DIAPH1: variants seen among roughly 807,000 people sequenced by gnomAD.
DIAPH1 encodes protein diaphanous homolog 1.
Under a neutral mutation model 140.7 loss-of-function variants are expected in DIAPH1, and 46 were observed. The ratio of observed to expected loss-of-function variants is 0.33; its 90% CI spans 0.26 to 0.42. The LOEUF is 0.42. Among genes scored for constraint, DIAPH1 ranks in the 10% least tolerant of loss-of-function variants. The pLI, the probability that DIAPH1 is intolerant of heterozygous loss-of-function variation, is 1.00. For missense variants in DIAPH1, 1,310 were observed against 1,558.7 expected, an observed-to-expected ratio of 0.84 and a Z score of 2.69; for synonymous variants, 565 against 551.6, an observed-to-expected ratio of 1.02 and a Z score of -0.34.
chr5:141,519,085 T>C (rs1596332320), intron 27 of DIAPH1: 4 of 1,245,312 alleles, frequency 3.2e-6, no homozygotes, highest in Non-Finnish European at 4.6e-6. Context: ...CCCGAGACTG[T>C]GGGATTTTCA....
In DIAPH1 at chr5:141,582,365, T is replaced by G; in HGVS notation, c.631A>C (p.Ser211Arg). ...CGAATGATCTCATGCTTGTTCCGGC[T>G]ATCGTAACTCCTGTATATAGAAGAC... Reference protein sequence around the residue: ...EKEETAGSYDSRNKHEIIRCL... With the variant: ...EKEETAGSYDRRNKHEIIRCL... The change falls in exon 7 of 28, where the codon AGC becomes CGC. Residue 211 changes from serine to arginine, a missense_variant. By Grantham distance (110) the Ser-to-Arg change is moderately radical. Around this residue, in one of 3 missense-constraint regions of DIAPH1, gnomAD observed 377 missense variants for 497.1 expected, o/e 0.76. Coordinates refer to ENST00000389054, the MANE Select transcript of DIAPH1 (RefSeq NM_005219.5). 3 of 1,612,720 alleles carry G rather than the reference T, an allele frequency of 1.9e-6. No individual in the cohort carries two copies. The highest frequency in any genetic ancestry group is 2.5e-6 in the Non-Finnish European group (3 of 1,178,714).
rs180751943 is a variant in DIAPH1, at chr5:141,573,159, G to A, written c.2358+333C>T. 6.3e-3 allele frequency among the ~76,000 whole-genome samples: 953 copies of A among 151,968 alleles called. 14 individuals are homozygous for A. The South Asian group carries it at 0.067, about 11-fold the overall frequency. ...GTTTCTTAAGATTGACTGGTGGGCC[G>A]GGCGCGGTGGCTCACGCCTGTAATC... On this transcript the variant is annotated intron_variant, in intron 16 of 27. Coordinates refer to ENST00000389054, the MANE Select transcript of DIAPH1 (RefSeq NM_005219.5).
At chr5:141,536,409 G>T (rs1284161353) in intron 18 of DIAPH1, among the ~76,000 whole-genome samples, 1 of 152,080 alleles carries the variant, frequency 6.6e-6, no homozygotes, top group Non-Finnish European at 1.5e-5. Context: ...ACCTATATGT[G>T]CCAGGCTCCA....
chr5:141,594,895 G>A (rs1480935582), intron 1 of DIAPH1, among the ~76,000 whole-genome samples: 1 of 151,584 alleles, frequency 6.6e-6, no homozygotes, highest in Non-Finnish European at 1.5e-5. Flanking sequence ...ACAAAAATTA[G>A]CTGGGCATGG....
chr5:141,545,290 A>C (rs1168783033), intron 18 of DIAPH1, among the ~76,000 whole-genome samples: 1 of 152,232 alleles, frequency 6.6e-6, no homozygotes, highest in Non-Finnish European at 1.5e-5. Flanking sequence ...ATTATATCTC[A>C]GCAAACCTGA....
chr5:141,538,355 C>T (rs2099889408), intron 18 of DIAPH1, among the ~76,000 whole-genome samples: 2 of 140,914 alleles, frequency 1.4e-5, no homozygotes, highest in South Asian at 4.6e-4. Context: ...CCACTTCGCT[C>T]GGCTTTTTGT....
chr5:141,559,100 ATAAGCCATGTCTAT>A (rs1476632882), intron 18 of DIAPH1, among the ~76,000 whole-genome samples: 4 of 152,202 alleles, frequency 2.6e-5, no homozygotes, highest in Non-Finnish European at 5.9e-5. Context: ...CTAGCATACA[ATAAGCCATGTCTAT>A]TAAGCACTAC....
intron 2 of DIAPH1, among the ~76,000 whole-genome samples, chr5:141,587,805 G>A (rs541749287): frequency 8.6e-4 from 131 of 152,290 alleles, no homozygotes; most frequent in Middle Eastern, 6.8e-3. Flanking sequence ...ATGTACCTCA[G>A]GGGTATATAT....
rs554322806 is a variant in DIAPH1, at chr5:141,547,357, C to T, written c.2483-12924G>A. Among the ~76,000 whole-genome samples, 6 of 152,034 alleles carry T rather than the reference C, an allele frequency of 3.9e-5. No homozygotes were observed. In the East Asian group the frequency reaches 7.7e-4, roughly 20 times the overall value. On this transcript the variant is annotated intron_variant, in intron 18 of 27. Coordinates refer to ENST00000389054, the MANE Select transcript of DIAPH1 (RefSeq NM_005219.5). ...GCAGGTGCCTGTAGTCCCAGCTACTCGGGAGGCTGAGGCAGGAGAATGGTG... is the reference window on the plus strand; with the variant it reads ...GCAGGTGCCTGTAGTCCCAGCTACTTGGGAGGCTGAGGCAGGAGAATGGTG...
At chr5:141,523,001 C>T (rs561295255) in intron 27 of DIAPH1, among the ~76,000 whole-genome samples, 1 of 152,288 alleles carries the variant, frequency 6.6e-6, no homozygotes, top group South Asian at 2.1e-4. Context: ...ACAGTGATGG[C>T]TGTTGTTGGG....
At chr5:141,556,056 C>T (rs2099892528) in intron 18 of DIAPH1, among the ~76,000 whole-genome samples, 1 of 151,984 alleles carries the variant, frequency 6.6e-6, no homozygotes, top group Non-Finnish European at 1.5e-5. Context: ...AGTCACTGAC[C>T]CATTTCAGAA....
intron 18 of DIAPH1, among the ~76,000 whole-genome samples, chr5:141,545,773 T>C (rs2099890705): frequency 6.6e-6 from 1 of 152,232 alleles, no homozygotes; most frequent in Non-Finnish European, 1.5e-5. Flanking sequence ...TAATAGTTTC[T>C]GTTGCAACTA....
At chr5:141,585,496 G>A (rs2099897399) in intron 3 of DIAPH1, among the ~76,000 whole-genome samples, 2 of 151,898 alleles carry the variant, frequency 1.3e-5, no homozygotes. Flanking sequence ...TTTTTTTTTA[G>A]TATCAATAGT....
At position 141,580,835 on chromosome 5, in the gene DIAPH1, C is replaced by A; in HGVS notation, c.733G>T (p.Val245Phe). 3 of 1,614,180 alleles carry A rather than the reference C, an allele frequency of 1.9e-6. No individual in the cohort carries two copies. The highest frequency in any genetic ancestry group is 1.7e-6 in the Non-Finnish European group (2 of 1,180,016). ...LETEEGILLL[V>F]RAMDPAVPNM... ...GGAACAGCAGGATCCATGGCTCTGA[C>A]CAGCAGTAGGATTCCTTCTTCTGTC... The change falls in exon 8 of 28, where the codon GTC becomes TTC. Residue 245 changes from valine to phenylalanine, a missense_variant. Val to Phe is a conservative substitution (Grantham distance 50, BLOSUM62 -1). Transcript: ENST00000389054.
intron 18 of DIAPH1, chr5:141,557,677 G>A (rs962784963): frequency 6.6e-6 from 1 of 152,152 alleles, no homozygotes; most frequent in African/African-American, 2.4e-5. Context: ...ATGAGGCAGA[G>A]GGGATGCCCT....
At chr5:141,607,837 T>C (rs535807576) in intron 1 of DIAPH1, among the ~76,000 whole-genome samples, 2 of 152,138 alleles carry the variant, frequency 1.3e-5, no homozygotes, top group East Asian at 1.9e-4. Flanking sequence ...CCCAGTCATA[T>C]CCCCCATCTT....
chr5:141,523,334 G>A (rs970392521), intron 27 of DIAPH1, among the ~76,000 whole-genome samples: 1 of 152,134 alleles, frequency 6.6e-6, no homozygotes, highest in Admixed American at 6.5e-5. Context: ...CACTAGACAC[G>A]ATAGTGCAGG....
At chr5:141,614,411 G>C (rs1337359668) in intron 1 of DIAPH1, among the ~76,000 whole-genome samples, 1 of 151,920 alleles carries the variant, frequency 6.6e-6, no homozygotes, top group Non-Finnish European at 1.5e-5. Flanking sequence ...AAGGGCCTTG[G>C]GGAATAACAA....
At position 141,587,127 on chromosome 5, in the gene DIAPH1, G is replaced by A; in HGVS notation, c.215C>T (p.Ser72Phe). Residue 72 changes from serine to phenylalanine, a missense_variant, in exon 3 of 28, where the codon TCT (serine) becomes TTT (phenylalanine). Transcript: ENST00000389054. ...EKPNSAHRNS[S>F]ASYGDDPTAQ... ...TGTGGGATCATCCCCATATGATGCA[G>A]AAGAATTTCTATGAGCAGAATTGGG... is the stretch of plus-strand genomic sequence containing the variant. The A allele has an allele frequency of 6.2e-7, 1 of 1,614,122 alleles. No homozygotes were observed. The highest frequency in any genetic ancestry group is 1.1e-5 in the South Asian group (1 of 91,078).
Sources: gnomAD v4.1 joint callset for allele counts (sites outside exome capture counted in the v4.1 genomes callset) on GRCh38, gnomAD v4.1.1 for gene constraint, gnomAD v4.1.1 regional missense constraint, MANE v1.5 for transcripts, NCBI Gene and HGNC (gene_info 2026-07-23, HGNC 2026-07-21) for gene names.